The following TMEM132D variants were observed in gnomAD, a reference collection of about 807,000 sequenced individuals.
TMEM132D encodes transmembrane protein 132D.
A neutral mutation model predicts 62.3 loss-of-function variants in TMEM132D; 21 were observed. The ratio of observed to expected loss-of-function variants is 0.34; its 90% CI spans 0.24 to 0.49. The LOEUF (loss-of-function observed/expected upper bound fraction) is 0.49. Ranked by LOEUF, TMEM132D falls within the 20% of genes least tolerant of loss-of-function variation. The probability of loss-of-function intolerance (pLI) is 0.99; values close to 1 mark genes in which losing one functional copy is unlikely to be tolerated. For synonymous variants in TMEM132D, 621 were observed against 575.6 expected (o/e 1.08, Z -1.13); for missense variants, 1,346 against 1,402.8 (o/e 0.96, Z 0.65).
At chr12:129,886,208 G>C (rs1411243425) in intron 1 of TMEM132D, among the ~76,000 whole-genome samples, 1 of 152,060 alleles carries the variant, frequency 6.6e-6, no homozygotes, top group African/African-American at 2.4e-5. Context: ...CTCTTAATGG[G>C]CTATGGGATG....
chr12:129,563,499 A>T (rs1877292954), intron 2 of TMEM132D, among the ~76,000 whole-genome samples: 1 of 152,136 alleles, frequency 6.6e-6, no homozygotes, highest in Admixed American at 6.5e-5. Flanking sequence ...AGACACACGG[A>T]GTTGGCAATG....
intron 2 of TMEM132D, among the ~76,000 whole-genome samples, chr12:129,641,527 C>T (rs935312768): frequency 6.6e-6 from 1 of 152,198 alleles, no homozygotes; most frequent in East Asian, 1.9e-4. Flanking sequence ...CACATCCGTA[C>T]AACTTCCAAA....
chr12:129,382,127 A>C (rs996414756), intron 3 of TMEM132D, among the ~76,000 whole-genome samples: 1 of 152,244 alleles, frequency 6.6e-6, no homozygotes, highest in African/African-American at 2.4e-5. Flanking sequence ...CTACCAAAAA[A>C]TAATTTAAAT....
rs750927808 is a variant in TMEM132D, at chr12:129,121,385, C to A, written c.1444-36683G>T. On this transcript the variant is annotated intron_variant, in intron 5 of 8. Coordinates refer to ENST00000422113, the MANE Select transcript of TMEM132D (RefSeq NM_133448.3). The stretch of plus-strand genomic sequence containing the variant: ...GTGCTGGGATTACAGGCATGAGCCA[C>A]TGCACCTGGCCCACTAGTCAGCTGA... 2.0e-5 allele frequency among the ~76,000 whole-genome samples: 3 copies of A among 152,306 alleles called. No individual in the cohort carries two copies. In the East Asian group the frequency reaches 5.8e-4, roughly 29 times the overall value.
At chr12:129,383,212 T>C (rs1372605370) in intron 3 of TMEM132D, among the ~76,000 whole-genome samples, 3 of 152,142 alleles carry the variant, frequency 2.0e-5, no homozygotes, top group Non-Finnish European at 4.4e-5. Flanking sequence ...ACGTTCCAAA[T>C]GTAAATTTGT....
chr12:129,163,416 C>T (rs1250511331), intron 5 of TMEM132D, among the ~76,000 whole-genome samples: 1 of 152,194 alleles, frequency 6.6e-6, no homozygotes, highest in African/African-American at 2.4e-5. Flanking sequence ...CCCACCTCCC[C>T]AAGGAAGCTG....
At chr12:129,580,286 A>G (rs1244091076) in intron 2 of TMEM132D, among the ~76,000 whole-genome samples, 1 of 152,184 alleles carries the variant, frequency 6.6e-6, no homozygotes, top group East Asian at 1.9e-4. Flanking sequence ...ATCAGATTAC[A>G]CCTGCACCCA....
chr12:129,538,870 C>T (rs1281431132), intron 2 of TMEM132D, among the ~76,000 whole-genome samples: 2 of 149,688 alleles, frequency 1.3e-5, no homozygotes, highest in Middle Eastern at 3.4e-3. Flanking sequence ...TGACCCCTGG[C>T]GATAGGTCAG....
intron 5 of TMEM132D, chr12:129,085,507 C>G (rs997725609): frequency 2.0e-5 from 3 of 152,322 alleles, no homozygotes; most frequent in Non-Finnish European, 4.4e-5. Flanking sequence ...TCTTGCTGCT[C>G]ACTCCCTCAT....
intron 2 of TMEM132D, among the ~76,000 whole-genome samples, chr12:129,536,427 T>A (rs1409804173): frequency 6.6e-6 from 1 of 152,158 alleles, no homozygotes. Flanking sequence ...TTTTTATAGG[T>A]CATAGCTCTA....
intron 4 of TMEM132D, among the ~76,000 whole-genome samples, chr12:129,337,362 T>A (rs1192401561): frequency 2.0e-5 from 3 of 152,082 alleles, no homozygotes; most frequent in Non-Finnish European, 4.4e-5. Context: ...CCAAATCTAA[T>A]ACCTGGAGTT....
intron 2 of TMEM132D, among the ~76,000 whole-genome samples, chr12:129,619,351 C>G (rs1879002919): frequency 6.6e-6 from 1 of 152,162 alleles, no homozygotes; most frequent in Non-Finnish European, 1.5e-5. Context: ...AAATGGTGCT[C>G]TAAAAGGGAC....
intron 3 of TMEM132D, among the ~76,000 whole-genome samples, chr12:129,369,841 A>C (rs1477535638): frequency 6.6e-6 from 1 of 152,262 alleles, no homozygotes; most frequent in African/African-American, 2.4e-5. Flanking sequence ...GGTGAGATCA[A>C]GCAATTTTCG....
At chr12:129,648,340 G>C (rs553845863) in intron 2 of TMEM132D, among the ~76,000 whole-genome samples, 1 of 152,078 alleles carries the variant, frequency 6.6e-6, no homozygotes, top group Non-Finnish European at 1.5e-5. Context: ...TAACCAATCC[G>C]CATTCCCTAT....
At chr12:129,089,133 G>GA (rs1196536980) in intron 5 of TMEM132D, among the ~76,000 whole-genome samples, 19 of 44,138 alleles carry the variant, frequency 4.3e-4, no homozygotes, top group Non-Finnish European at 6.6e-4. Context: ...CTATGACCGG[G>GA]TGTCCTCTAT....
At chr12:129,225,700 A>G (rs1879463297) in intron 4 of TMEM132D, among the ~76,000 whole-genome samples, 2 of 152,206 alleles carry the variant, frequency 1.3e-5, no homozygotes, top group Non-Finnish European at 2.9e-5. Context: ...GTAGTATCCT[A>G]ACATATGCAA....
rs182806846 is a variant in TMEM132D, at chr12:129,451,057, C to T, written c.1115+80002G>A. ...GATTACAGGCGTGAGCCACCGCGCCCGGCCAATTTTCATCACTTCTTATGA... is the reference window on the plus strand; with the variant it reads ...GATTACAGGCGTGAGCCACCGCGCCTGGCCAATTTTCATCACTTCTTATGA... On this transcript the variant is annotated intron_variant, in intron 3 of 8. Transcript: ENST00000422113. Among the ~76,000 whole-genome samples the T allele has an allele frequency of 3.8e-3, 582 of 152,188 alleles. 4 individuals carry two copies. The highest frequency in any genetic ancestry group is 6.4e-3 in the Non-Finnish European group (434 of 68,014).
At chr12:129,736,867 G>C (rs1367423117) in intron 1 of TMEM132D, among the ~76,000 whole-genome samples, 1 of 149,462 alleles carries the variant, frequency 6.7e-6, no homozygotes, top group Non-Finnish European at 1.5e-5. Flanking sequence ...CCCAGAGCTG[G>C]AGTGCAATGG....
chr12:129,897,157 G>A (rs1875167873), intron 1 of TMEM132D, among the ~76,000 whole-genome samples: 1 of 152,154 alleles, frequency 6.6e-6, no homozygotes, highest in Admixed American at 6.5e-5. Flanking sequence ...AATATTCCGA[G>A]TCTTTGGTCC....
Sources: gnomAD v4.1 joint callset for allele counts (sites outside exome capture counted in the v4.1 genomes callset) on GRCh38, gnomAD v4.1.1 for gene constraint, MANE v1.5 for transcripts, NCBI Gene and HGNC (gene_info 2026-07-23, HGNC 2026-07-21) for gene names.